The following MAD1L1 variants were observed in gnomAD, a reference collection of about 807,000 sequenced individuals.
The protein encoded by MAD1L1 is mitotic arrest deficient 1 like 1, also known as mitotic spindle assembly checkpoint protein MAD1.
In MAD1L1, 95 loss-of-function variants were observed where a neutral mutation model predicts 96.9. The ratio of observed to expected loss-of-function variants is 0.98; its 90% CI spans 0.83 to 1.16. MAD1L1 has a LOEUF of 1.16. MAD1L1 is among the 50% of genes most tolerant of loss of function. MAD1L1 has a pLI of 0.00. For missense variants in MAD1L1, 1,007 were observed against 954.4 expected (o/e 1.06, Z -0.73); for synonymous variants, 473 against 396.6 (o/e 1.19, Z -2.29).
intron 11 of MAD1L1, among the ~76,000 whole-genome samples, chr7:2,106,932 G>A (rs771953221): frequency 4.6e-5 from 7 of 152,276 alleles, no homozygotes; most frequent in Non-Finnish European, 8.8e-5. Flanking sequence ...GGTCCAGAAC[G>A]CAGCTGGCCC....
intron 10 of MAD1L1, among the ~76,000 whole-genome samples, chr7:2,203,681 G>A (rs1792435418): frequency 1.3e-5 from 2 of 152,212 alleles, no homozygotes. Context: ...CCAAAAAACT[G>A]TCAAAAACTG....
chr7:2,096,594 T>C (rs58581505), intron 11 of MAD1L1, among the ~76,000 whole-genome samples: 2,652 of 152,238 alleles, frequency 0.017, 85 homozygotes, highest in African/African-American at 0.06. Context: ...GCATCTGAAT[T>C]GAAGACTTCG....
chr7:2,026,700 C>CA (rs1236130758), intron 12 of MAD1L1, among the ~76,000 whole-genome samples: 1 of 151,988 alleles, frequency 6.6e-6, no homozygotes, highest in Non-Finnish European at 1.5e-5. Flanking sequence ...GCCCATTGGT[C>CA]AAAATAAAAA....
At position 2,149,172 on chromosome 7, in the gene MAD1L1, C is replaced by T; in HGVS notation, c.1053G>A (p.Lys351=). ...LQQRELALKD[K]NSAVTSSARG... ...TCTACCTGCTGGTGACGGCGCTGTT[C>T]TTGTCCTTCAAGGCAAGCTCCCTCT... The change falls in exon 11 of 19, where the codon AAG becomes AAA. Residue 351 remains lysine, a synonymous_variant. Transcript: ENST00000265854. 6.2e-7 allele frequency: 1 copy of T among 1,614,130 alleles called. No homozygotes were observed. Among genetic ancestry groups the T allele is most frequent in the Non-Finnish European group, 8.5e-7 (1 of 1,180,026 alleles).
chr7:2,006,448 G>T (rs1212385334), intron 13 of MAD1L1, among the ~76,000 whole-genome samples: 1 of 152,118 alleles, frequency 6.6e-6, no homozygotes, highest in East Asian at 1.9e-4. Flanking sequence ...CCAGCACCGA[G>T]GAGCATTTGG....
chr7:1,898,400 G>C lies in MAD1L1; in HGVS notation c.1808-10C>G, dbSNP rs1297267060. 1 of 1,612,686 alleles carries C rather than the reference G, an allele frequency of 6.2e-7. No homozygotes were observed. Among genetic ancestry groups the C allele is most frequent in the South Asian group, 1.1e-5 (1 of 90,964 alleles). On this transcript the variant is annotated splice_polypyrimidine_tract_variant and intron_variant, in intron 17 of 18. Coordinates refer to ENST00000265854, the MANE Select transcript of MAD1L1 (RefSeq NM_001013836.2). ...ACCTGCTTCTTCAGCTCTGCGGGAG[G>C]GACGGAAGGAGACAGTGAGTGCGGC...
chr7:1,947,720 T>C (rs981353445), intron 16 of MAD1L1, among the ~76,000 whole-genome samples: 1 of 152,322 alleles, frequency 6.6e-6, no homozygotes, highest in South Asian at 2.1e-4. Context: ...ACGGCTGGGT[T>C]GTGGAACCTG....
In MAD1L1 at chr7:2,037,000, C is replaced by T. The variant is rs547539679; in HGVS notation, c.1219-22358G>A. ...GCTCCCCCCACAGCACGAGCTTCCG[C>T]GTGCCCACCCACGCGCAGAAGACCT... On this transcript the variant is annotated intron_variant, in intron 12 of 18. Transcript: ENST00000265854. Among the ~76,000 whole-genome samples, 11 of 152,180 alleles carry T rather than the reference C, an allele frequency of 7.2e-5. No homozygotes were observed. The East Asian group carries it at 2.1e-3, about 30-fold the overall frequency.
Position 1,815,823 on chromosome 7 carries a change from G to C in MAD1L1, c.*247C>G, listed in dbSNP as rs1704186773. 1 of 524,758 alleles carries C rather than the reference G, an allele frequency of 1.9e-6. No homozygotes were observed. The highest frequency in any genetic ancestry group is 1.9e-5 in the African/African-American group (1 of 51,870). The allele number at this position is 524,758 out of a possible 1,614,324, so 32.5% of individuals were successfully genotyped here. A position where few individuals can be genotyped will look rare whatever the true frequency, so the allele number is the denominator to read the frequency against. ...AGGGGAGAAGATTTTATTTCACAAG[G>C]TGAGGAACCCAGGCTGGTGGCCGAC... On this transcript the variant is annotated 3_prime_UTR_variant, in exon 19 of 19. Coordinates refer to ENST00000265854, the MANE Select transcript of MAD1L1 (RefSeq NM_001013836.2).
rs2128617195 is a variant in MAD1L1 at position 1,815,977 on chromosome 7, G to A, written c.*93C>T. The A allele has an allele frequency of 2.9e-6, 4 of 1,384,088 alleles. No homozygotes were observed. Among genetic ancestry groups the A allele is most frequent in the Non-Finnish European group, 3.9e-6 (4 of 1,030,600 alleles). The allele number at this position is 1,384,088 out of a possible 1,614,324, so 85.7% of individuals were successfully genotyped here. ...GCTGCTGCCCTGTGGGGCTGGAGAGGCAGGACGTGCACCCAGCCTGTGGCT... is the reference window on the plus strand; with the variant it reads ...GCTGCTGCCCTGTGGGGCTGGAGAGACAGGACGTGCACCCAGCCTGTGGCT... On this transcript the variant is annotated 3_prime_UTR_variant, in exon 19 of 19. Transcript: ENST00000265854.
chr7:2,126,239 G>A (rs979408741), intron 11 of MAD1L1, among the ~76,000 whole-genome samples: 6 of 152,246 alleles, frequency 3.9e-5, no homozygotes, highest in South Asian at 2.1e-4. Context: ...CTCAGTGCGC[G>A]GCCCATGGAC....
Position 1,957,672 on chromosome 7 carries a change from T to A in MAD1L1, c.1553A>T (p.Glu518Val), listed in dbSNP as rs768410177. ...CAGCTGTGCCTCCAGCATCCTCTTT[T>A]CCTCCTCCAGCCGACTCCGCTCGCC... Reference protein sequence around the residue: ...LEGERSRLEEEKRMLEAQLER... With the variant: ...LEGERSRLEEVKRMLEAQLER... The change falls in exon 16 of 19, where the codon GAA becomes GTA. Residue 518 changes from glutamate (E) to valine (V), a missense_variant. Physicochemically the swap from Glu to Val is moderately radical, Grantham distance 121. Coordinates refer to ENST00000265854, the MANE Select transcript of MAD1L1 (RefSeq NM_001013836.2). 7.4e-6 allele frequency: 12 copies of A among 1,614,060 alleles called. 1 individual carries two copies. The South Asian group carries it at 1.3e-4, about 18-fold the overall frequency.
intron 10 of MAD1L1, among the ~76,000 whole-genome samples, chr7:2,166,590 CT>C (rs1319738899): frequency 3.3e-5 from 5 of 151,998 alleles, no homozygotes; most frequent in Non-Finnish European, 7.4e-5. Flanking sequence ...AAAAAGAAAG[CT>C]AGATAATGGC....
At chr7:1,842,475 T>A (rs895110624) in intron 18 of MAD1L1, among the ~76,000 whole-genome samples, 3 of 152,240 alleles carry the variant, frequency 2.0e-5, no homozygotes, top group Non-Finnish European at 4.4e-5. Context: ...GTTCTCCCAG[T>A]CCACAGGCCG....
At chr7:1,923,847 C>G (rs933737560) in intron 17 of MAD1L1, among the ~76,000 whole-genome samples, 5 of 152,340 alleles carry the variant, frequency 3.3e-5, no homozygotes, top group Admixed American at 1.3e-4. Context: ...GAGTTGGACT[C>G]TGAGCTAGAC....
At chr7:1,817,648 G>GA (rs1562420961) in intron 18 of MAD1L1, 1 of 152,266 alleles carries the variant, frequency 6.6e-6, no homozygotes, top group African/African-American at 2.4e-5. Context: ...GCTGCGCACT[G>GA]AATGTGCCGG....
In MAD1L1 at chr7:2,014,625, C is replaced by G; in HGVS notation, c.1236G>C (p.Arg412=). Residue 412 remains arginine (R), a synonymous_variant, in exon 13 of 19, where the codon CGG becomes CGC. Coordinates refer to ENST00000265854, the MANE Select transcript of MAD1L1 (RefSeq NM_001013836.2). The stretch of plus-strand genomic sequence containing the variant: ...CGCTGTCGTAGGACCCCAGGATGGC[C>G]CGCATACCGTCCCGCTCCTGTGGAC... ...LLLTKERDGM[R]AILGSYDSEL... 2 of 1,611,700 alleles carry G rather than the reference C, an allele frequency of 1.2e-6. No individual in the cohort carries two copies. The highest frequency in any genetic ancestry group is 1.7e-6 in the Non-Finnish European group (2 of 1,179,332).
At chr7:2,037,635 T>C (rs1201897403) in intron 12 of MAD1L1, among the ~76,000 whole-genome samples, 8 of 152,188 alleles carry the variant, frequency 5.3e-5, no homozygotes, top group Non-Finnish European at 8.8e-5. Flanking sequence ...TTATGTCTGT[T>C]GTGGTCTGTG....
intron 18 of MAD1L1, among the ~76,000 whole-genome samples, chr7:1,877,447 G>A (rs1297472842): frequency 1.3e-5 from 2 of 150,950 alleles, no homozygotes; most frequent in African/African-American, 4.9e-5. Context: ...CAATGTTGGA[G>A]AAAACATGGA....
Sources: gnomAD v4.1 joint callset for allele counts (sites outside exome capture counted in the v4.1 genomes callset) on GRCh38, gnomAD v4.1.1 for gene constraint, MANE v1.5 for transcripts, NCBI Gene and HGNC (gene_info 2026-07-23, HGNC 2026-07-21) for gene names.